The following DGKB variants were observed in gnomAD, a reference collection of about 807,000 sequenced individuals.
The protein encoded by DGKB is 90 kDa diacylglycerol kinase.
DGKB carries 67 observed loss-of-function variants against 114.3 expected under a neutral mutation model. The observed-to-expected ratio is 0.59, with a 90% CI of 0.48 to 0.72. DGKB has a LOEUF of 0.72. DGKB is among the 30% of genes least tolerant of loss of function. The pLI, the probability that DGKB is intolerant of heterozygous loss-of-function variation, is 0.00. For missense variants in DGKB, 907 were observed against 975.2 expected, an observed-to-expected ratio of 0.93 and a Z score of 0.93; for synonymous variants, 398 against 323.1, an observed-to-expected ratio of 1.23 and a Z score of -2.49.
chr7:14,661,887 G>A (rs1043225236), intron 13 of DGKB, among the ~76,000 whole-genome samples: 4 of 152,068 alleles, frequency 2.6e-5, no homozygotes, highest in African/African-American at 4.8e-5. Context: ...AAAAAATGAT[G>A]AGTTCACGTC....
intron 2 of DGKB, among the ~76,000 whole-genome samples, chr7:14,763,298 C>T (rs1226831037): frequency 6.6e-6 from 1 of 152,074 alleles, no homozygotes; most frequent in East Asian, 1.9e-4. Context: ...CCATGGGACA[C>T]CCCATAATAA....
chr7:14,449,767 T>C (rs182214869), intron 21 of DGKB, among the ~76,000 whole-genome samples: 15 of 152,178 alleles, frequency 9.9e-5, no homozygotes, highest in Admixed American at 7.2e-4. Flanking sequence ...CTTGCAAAGA[T>C]TTCTGCCATG....
At position 14,226,989 on chromosome 7, in the gene DGKB, C is replaced by T. The variant is rs570026170; in HGVS notation, c.2123-48838G>A. Among the ~76,000 whole-genome samples, 3 of 152,160 alleles carry T rather than the reference C, an allele frequency of 2.0e-5. No homozygotes were observed. The East Asian group carries it at 5.8e-4, about 30-fold the overall frequency. ...CTGGGCTCAAGCGATCTTCTCACCT[C>T]CACCTTCTAAGTAACTGGGACTACA... On this transcript the variant is annotated intron_variant, in intron 23 of 25. Coordinates refer to ENST00000402815, the MANE Select transcript of DGKB (RefSeq NM_001350709.2).
At chr7:14,680,429 T>C (rs572417904) in intron 12 of DGKB, among the ~76,000 whole-genome samples, 3 of 152,046 alleles carry the variant, frequency 2.0e-5, no homozygotes, top group Admixed American at 2.0e-4. Context: ...GTGATATCCT[T>C]TTTCCTGTAA....
intron 21 of DGKB, among the ~76,000 whole-genome samples, chr7:14,352,090 C>G (rs1021445677): frequency 2.0e-5 from 3 of 152,120 alleles, no homozygotes; most frequent in African/African-American, 4.8e-5. Flanking sequence ...AATGCTCATT[C>G]ATAAGACGTG....
At chr7:14,647,705 G>A (rs1429624486) in intron 13 of DGKB, among the ~76,000 whole-genome samples, 9 of 152,220 alleles carry the variant, frequency 5.9e-5, no homozygotes, top group African/African-American at 2.2e-4. Context: ...CAGAAGACGG[G>A]TGATTTCTGC....
At chr7:14,610,031 G>T (rs899734807) in intron 16 of DGKB, among the ~76,000 whole-genome samples, 1 of 151,874 alleles carries the variant, frequency 6.6e-6, no homozygotes, top group African/African-American at 2.4e-5. Flanking sequence ...GTGTAAACTC[G>T]AAGGAAAACA....
intron 20 of DGKB, among the ~76,000 whole-genome samples, chr7:14,492,339 G>A (rs561169657): frequency 1.5e-4 from 23 of 152,036 alleles, no homozygotes; most frequent in African/African-American, 5.3e-4. Flanking sequence ...TGTCTAGGGT[G>A]GGGGGTGATG....
At chr7:14,761,014 T>C (rs1193936078) in intron 2 of DGKB, among the ~76,000 whole-genome samples, 1 of 152,174 alleles carries the variant, frequency 6.6e-6, no homozygotes, top group Admixed American at 6.5e-5. Context: ...TCTGAGACAA[T>C]TTAAAGTGCT....
intron 21 of DGKB, among the ~76,000 whole-genome samples, chr7:14,380,083 A>C (rs1244772680): frequency 6.6e-6 from 1 of 152,186 alleles, no homozygotes; most frequent in Admixed American, 6.5e-5. Context: ...TTATGTCCCC[A>C]TTGAAGTGAT....
intron 23 of DGKB, among the ~76,000 whole-genome samples, chr7:14,211,575 TA>T (rs200398310): frequency 7.6e-3 from 7 of 918 alleles, no homozygotes; most frequent in South Asian, 0.05. Flanking sequence ...TGTTTTGTGA[TA>T]TTTACTCTCA....
At chr7:14,187,968 G>A (rs746502657) in intron 23 of DGKB, among the ~76,000 whole-genome samples, 2 of 152,008 alleles carry the variant, frequency 1.3e-5, no homozygotes, top group African/African-American at 4.8e-5. Context: ...AACAATTCAT[G>A]ATCCGAATGA....
chr7:14,813,545 T>C (rs183331577), intron 2 of DGKB, among the ~76,000 whole-genome samples: 189 of 152,314 alleles, frequency 1.2e-3, no homozygotes, highest in Non-Finnish European at 2.1e-3. Flanking sequence ...TTATCTAACC[T>C]TTTTGCTTCA....
At chr7:14,299,560 T>C (rs1215409528) in intron 23 of DGKB, among the ~76,000 whole-genome samples, 2 of 152,122 alleles carry the variant, frequency 1.3e-5, no homozygotes, top group Non-Finnish European at 2.9e-5. Flanking sequence ...ACAAGAACAA[T>C]AGTTAACAGT....
chr7:14,949,800 T>C (rs1263122085), intron 1 of DGKB, among the ~76,000 whole-genome samples: 2 of 151,968 alleles, frequency 1.3e-5, no homozygotes, highest in Admixed American at 1.3e-4. Context: ...ATGTCCTTCA[T>C]AGGGACATGG....
intron 2 of DGKB, among the ~76,000 whole-genome samples, chr7:14,761,812 T>C (rs1187604075): frequency 6.6e-6 from 1 of 152,114 alleles, no homozygotes; most frequent in Non-Finnish European, 1.5e-5. Context: ...ACCTGGAAGA[T>C]TGGCCAGTGA....
intron 17 of DGKB, among the ~76,000 whole-genome samples, chr7:14,602,968 T>C (rs568716185): frequency 3.0e-4 from 45 of 152,232 alleles, no homozygotes; most frequent in African/African-American, 1.1e-3. Flanking sequence ...AGATAGATAA[T>C]AAAAGCTAGA....
chr7:14,243,611 T>C (rs1270862136), intron 23 of DGKB, among the ~76,000 whole-genome samples: 2 of 152,194 alleles, frequency 1.3e-5, no homozygotes, highest in African/African-American at 4.8e-5. Context: ...TGAGACTGTC[T>C]CTTTTTAAAT....
chr7:14,329,385 G>A lies in DGKB; in HGVS notation c.2122+9130C>T, dbSNP rs117869045. On this transcript the variant is annotated intron_variant, in intron 23 of 25. Coordinates refer to ENST00000402815, the MANE Select transcript of DGKB (RefSeq NM_001350709.2). Reference sequence around the variant, plus strand: ...AAATAAAAGTCTGATATCTCTTCTGGTATAACTTTAAATTGCTAGTGAGAT... The same window carrying A: ...AAATAAAAGTCTGATATCTCTTCTGATATAACTTTAAATTGCTAGTGAGAT... Among the ~76,000 whole-genome samples, 473 of 151,996 alleles carry A rather than the reference G, an allele frequency of 3.1e-3. 3 individuals carry two copies. Among genetic ancestry groups the A allele is most frequent in the Non-Finnish European group, 4.7e-3 (317 of 67,870 alleles).
Sources: allele counts gnomAD v4.1 joint callset (sites outside exome capture counted in the v4.1 genomes callset), GRCh38; gene constraint gnomAD v4.1.1; transcripts MANE v1.5; gene names NCBI Gene and HGNC (gene_info 2026-07-23, HGNC 2026-07-21).